Variants in KLHL29 observed in about 807,000 individuals in gnomAD.
KLHL29 encodes the protein kelch-like protein 29.
In KLHL29, 21 loss-of-function variants were observed where a neutral mutation model predicts 80.4. That is an observed-to-expected ratio of 0.26 (90% CI 0.19 to 0.38). KLHL29 has a LOEUF of 0.38. Among genes scored for constraint, KLHL29 ranks in the 10% least tolerant of loss-of-function variants. KLHL29 has a pLI of 1.00. For synonymous variants in KLHL29, 511 were observed against 526.8 expected, an observed-to-expected ratio of 0.97 and a Z score of 0.41; for missense variants, 867 against 1,223.9, an observed-to-expected ratio of 0.71 and a Z score of 4.35.
chr2:23,548,337 A>G (rs1667032754), intron 2 of KLHL29, among the ~76,000 whole-genome samples: 1 of 149,716 alleles, frequency 6.7e-6, no homozygotes, highest in South Asian at 2.1e-4. Context: ...ACACAGACAC[A>G]CACACAGGCA....
chr2:23,397,940 AAAC>A (rs1666492812), intron 1 of KLHL29, among the ~76,000 whole-genome samples: 3 of 152,336 alleles, frequency 2.0e-5, no homozygotes, highest in Middle Eastern at 3.4e-3. Flanking sequence ...ACGTGACTAT[AAAC>A]AACAACAGAA....
At chr2:23,611,641 C>T (rs1558407947) in intron 3 of KLHL29, among the ~76,000 whole-genome samples, 1 of 152,016 alleles carries the variant, frequency 6.6e-6, no homozygotes, top group African/African-American at 2.4e-5. Context: ...ACAAGGAGAC[C>T]ACAATAACAA....
At chr2:23,693,770 G>A (rs868550805) in intron 8 of KLHL29, among the ~76,000 whole-genome samples, 2 of 152,242 alleles carry the variant, frequency 1.3e-5, no homozygotes, top group South Asian at 2.1e-4. Flanking sequence ...TCTGCAGGGA[G>A]AAGTGGGTCC....
At chr2:23,512,914 G>A (rs995051178) in intron 2 of KLHL29, among the ~76,000 whole-genome samples, 2 of 152,246 alleles carry the variant, frequency 1.3e-5, no homozygotes, top group African/African-American at 2.4e-5. Context: ...ATGCTGTGGG[G>A]ACTCAGCCTC....
At chr2:23,642,264 A>G in intron 4 of KLHL29, 74 bp from the exon 5 acceptor site, 1 of 1,326,128 alleles carries the variant, frequency 7.5e-7, no homozygotes, top group Non-Finnish European at 9.8e-7. Context: ...CACCCAGTGC[A>G]GGGCCGGGGA....
At chr2:23,508,727 G>T (rs1665677657) in intron 2 of KLHL29, among the ~76,000 whole-genome samples, 1 of 152,226 alleles carries the variant, frequency 6.6e-6, no homozygotes, top group African/African-American at 2.4e-5. Context: ...AGATTCCTGA[G>T]GTGGGACCCC....
Position 23,622,458 on chromosome 2 carries a change from C to T in KLHL29, c.286-16681C>T, listed in dbSNP as rs147569964. ...CCACCGATCTGATCTGCTGGAGAGC[C>T]GAGCCTTTGTCCTACCTAATCACAA... On this transcript the variant is annotated intron_variant, in intron 3 of 13. Coordinates refer to ENST00000486442, the MANE Select transcript of KLHL29 (RefSeq NM_052920.2). Among the ~76,000 whole-genome samples, 10 of 152,336 alleles carry T rather than the reference C, an allele frequency of 6.6e-5. No individual in the cohort carries two copies. The East Asian group carries it at 1.7e-3, about 26-fold the overall frequency.
chr2:23,448,906 G>C (rs969487688), intron 1 of KLHL29, among the ~76,000 whole-genome samples: 9 of 152,096 alleles, frequency 5.9e-5, no homozygotes, highest in African/African-American at 2.2e-4. Flanking sequence ...AACACATCTA[G>C]AACCTGGAGG....
chr2:23,514,790 A>C (rs1665872695), intron 2 of KLHL29, among the ~76,000 whole-genome samples: 1 of 152,206 alleles, frequency 6.6e-6, no homozygotes, highest in African/African-American at 2.4e-5. Flanking sequence ...CTTTCATGAA[A>C]ATAGACCACG....
At chr2:23,448,436 T>G (rs56312321) in intron 1 of KLHL29, among the ~76,000 whole-genome samples, 5,290 of 152,212 alleles carry the variant, frequency 0.035, 119 homozygotes, top group Middle Eastern at 0.068. Context: ...TCCATATCAG[T>G]TCAGATGCCC....
rs553374138 is a variant in KLHL29 at position 23,654,703 on chromosome 2, G to T, written c.940+11853G>T. Among the ~76,000 whole-genome samples the T allele has an allele frequency of 2.5e-3, 283 of 111,882 alleles. 42 individuals are homozygous for T. Among genetic ancestry groups the T allele is most frequent in the Non-Finnish European group, 4.2e-3 (209 of 49,478 alleles). 73.4% of individuals were successfully genotyped at this position (111,882 alleles called of 152,430 possible). On this transcript the variant is annotated intron_variant, in intron 5 of 13. Coordinates refer to ENST00000486442, the MANE Select transcript of KLHL29 (RefSeq NM_052920.2). The stretch of plus-strand genomic sequence containing the variant: ...CCAGAAGGGAACAGAGGTTGGGGGG[G>T]GGGGGTGGATGTTTTGTATGTGCCT...
intron 3 of KLHL29, among the ~76,000 whole-genome samples, chr2:23,585,112 G>C (rs1384035252): frequency 1.3e-5 from 2 of 152,232 alleles, no homozygotes; most frequent in East Asian, 3.8e-4. Context: ...GGAAACGGCT[G>C]TCAGATTGGG....
At chr2:23,441,951 A>G (rs2103415437) in intron 1 of KLHL29, among the ~76,000 whole-genome samples, 1 of 152,284 alleles carries the variant, frequency 6.6e-6, no homozygotes, top group Non-Finnish European at 1.5e-5. Context: ...TGGTCTCCCA[A>G]AGATGTCCAT....
intron 1 of KLHL29, among the ~76,000 whole-genome samples, chr2:23,442,944 G>A (rs952339457): frequency 1.3e-5 from 2 of 152,128 alleles, no homozygotes; most frequent in African/African-American, 4.8e-5. Flanking sequence ...TCTGTTCAAG[G>A]TGGATGTTCC....
intron 2 of KLHL29, among the ~76,000 whole-genome samples, chr2:23,515,386 T>C (rs1665890414): frequency 6.6e-6 from 1 of 152,212 alleles, no homozygotes; most frequent in African/African-American, 2.4e-5. Context: ...TTACTAAGGA[T>C]GTTTCTCTGC....
At chr2:23,494,888 A>C (rs1266753620) in intron 2 of KLHL29, among the ~76,000 whole-genome samples, 1 of 152,090 alleles carries the variant, frequency 6.6e-6, no homozygotes, top group Non-Finnish European at 1.5e-5. Flanking sequence ...CTGGCCTTGC[A>C]CTATTGCAGT....
intron 7 of KLHL29, among the ~76,000 whole-genome samples, chr2:23,692,170 T>C (rs889358450): frequency 1.3e-5 from 2 of 152,274 alleles, no homozygotes; most frequent in Non-Finnish European, 2.9e-5. Flanking sequence ...GGGCTGTGCA[T>C]GTGCTCTGTT....
At chr2:23,458,441 C>G (rs546131910) in intron 1 of KLHL29, among the ~76,000 whole-genome samples, 12 of 152,326 alleles carry the variant, frequency 7.9e-5, no homozygotes, top group African/African-American at 2.9e-4. Context: ...ATTGACAAAA[C>G]CAGCTGCATT....
chr2:23,597,271 G>A (rs1196451422), intron 3 of KLHL29, among the ~76,000 whole-genome samples: 3 of 44,990 alleles, frequency 6.7e-5, no homozygotes, highest in African/African-American at 3.0e-4. Flanking sequence ...CACCCATCTC[G>A]CTCTCAATCT....
Sources: gnomAD v4.1 joint callset for allele counts (sites outside exome capture counted in the v4.1 genomes callset) on GRCh38, gnomAD v4.1.1 for gene constraint, MANE v1.5 for transcripts, NCBI Gene and HGNC (gene_info 2026-07-23, HGNC 2026-07-21) for gene names.